Variants in DEFB1 observed in about 807,000 individuals in gnomAD.
DEFB1 encodes the protein beta-defensin 1.
A neutral mutation model predicts 2.6 loss-of-function variants in DEFB1; 4 were observed. That is an observed-to-expected ratio of 1.53 (90% CI 0.76 to 3.51). The LOEUF (loss-of-function observed/expected upper bound fraction) is 3.51, where lower values mean the gene tolerates loss of function less well. Ranked by LOEUF, DEFB1 falls within the 30% of genes most tolerant of loss-of-function variation. The pLI, the probability that DEFB1 is intolerant of heterozygous loss-of-function variation, is 0.01. For synonymous variants in DEFB1, 56 were observed against 28.5 expected (o/e 1.96, Z -3.07); for missense variants, 162 against 76.9 (o/e 2.11, Z -4.14).
Position 6,870,926 on chromosome 8 carries a change from A to G in DEFB1, c.62-100T>C, listed in dbSNP as rs1195140680. On this transcript the variant is annotated intron_variant, in intron 1 of 1. Coordinates refer to ENST00000297439, the MANE Select transcript of DEFB1 (RefSeq NM_005218.4). ...AGAACAAATAACTGCAAAACACCGG[A>G]GAGTCTTCTCTTCCAAGAAATTGGC... The G allele has an allele frequency of 6.1e-6, 8 of 1,312,768 alleles. No homozygotes were observed. In the East Asian group the frequency reaches 1.2e-4, roughly 20 times the overall value. 81.3% of individuals were successfully genotyped at this position (1,312,768 alleles called of 1,614,324 possible). A position where few individuals can be genotyped will look rare whatever the true frequency, so the allele number is the denominator to read the frequency against.
intron 1 of DEFB1, 58 bp from the exon 2 acceptor site, chr8:6,870,884 G>A: frequency 1.3e-6 from 2 of 1,546,016 alleles, no homozygotes; most frequent in Non-Finnish European, 1.7e-6. Context: ...AACGATTTGA[G>A]AACATCTCGC....
chr8:6,875,823 A>G lies in DEFB1; in HGVS notation c.61+1974T>C, dbSNP rs1237484590. Among the ~76,000 whole-genome samples the G allele has an allele frequency of 2.6e-5, 4 of 152,002 alleles. No individual in the cohort carries two copies. The East Asian group carries it at 7.7e-4, about 29-fold the overall frequency. On this transcript the variant is annotated intron_variant, in intron 1 of 1. Transcript: ENST00000297439. Reference sequence around the variant, plus strand: ...GCCAATAGAAATGTGTGCACAAACCAAGCTGTACTATTCAACCTGAATATT... The same window carrying G: ...GCCAATAGAAATGTGTGCACAAACCGAGCTGTACTATTCAACCTGAATATT...
intron 1 of DEFB1, among the ~76,000 whole-genome samples, chr8:6,873,080 T>A (rs2980926): frequency 1.3e-5 from 2 of 152,130 alleles, no homozygotes; most frequent in Admixed American, 1.3e-4. Context: ...TATATGCTGA[T>A]TAAGCAGAGG....
intron 1 of DEFB1, 89 bp from the exon 2 acceptor site, chr8:6,870,915 C>G (rs955197440): frequency 1.4e-5 from 19 of 1,389,090 alleles, no homozygotes; most frequent in Non-Finnish European, 5.8e-6. Flanking sequence ...CAAATAACTG[C>G]AAAACACCGG....
At chr8:6,874,874 C>G (rs1027139537) in intron 1 of DEFB1, among the ~76,000 whole-genome samples, 1 of 151,668 alleles carries the variant, frequency 6.6e-6, no homozygotes, top group Non-Finnish European at 1.5e-5. Context: ...CCCAGCCACT[C>G]GGGAGGCTGA....
At chr8:6,875,102 ACACACAC>A (rs1806477044) in intron 1 of DEFB1, among the ~76,000 whole-genome samples, 1 of 139,396 alleles carries the variant, frequency 7.2e-6, no homozygotes, top group Non-Finnish European at 1.6e-5. Flanking sequence ...ACACACACAC[ACACACAC>A]CCCATTGCCA....
At chr8:6,871,504 G>A (rs1806312754) in intron 1 of DEFB1, among the ~76,000 whole-genome samples, 1 of 152,200 alleles carries the variant, frequency 6.6e-6, no homozygotes, top group African/African-American at 2.4e-5. Flanking sequence ...GGACCAGCAG[G>A]CCGCCATGTT....
intron 1 of DEFB1, among the ~76,000 whole-genome samples, chr8:6,875,197 T>C (rs946453928): frequency 6.6e-6 from 1 of 151,988 alleles, no homozygotes; most frequent in Non-Finnish European, 1.5e-5. Flanking sequence ...CTTCATGTCT[T>C]TGATGTAAAG....
At chr8:6,877,117 C>T (rs1310281323) in intron 1 of DEFB1, among the ~76,000 whole-genome samples, 2 of 152,332 alleles carry the variant, frequency 1.3e-5, no homozygotes, top group Non-Finnish European at 2.9e-5. Context: ...CCATGTGACT[C>T]GTGTGAACAA....
chr8:6,871,416 GATAA>G (rs1806305469), intron 1 of DEFB1, among the ~76,000 whole-genome samples: 1 of 151,970 alleles, frequency 6.6e-6, no homozygotes, highest in East Asian at 1.9e-4. Flanking sequence ...TCCCAGATCT[GATAA>G]ATAGAGACAG....
chr8:6,874,975 C>A (rs1164281423), intron 1 of DEFB1, among the ~76,000 whole-genome samples: 1 of 101,772 alleles, frequency 9.8e-6, no homozygotes, highest in African/African-American at 3.5e-5. Context: ...GAGCGAGACT[C>A]AGTCTCAAAA....
intron 1 of DEFB1, among the ~76,000 whole-genome samples, chr8:6,872,513 T>G (rs1267286851): frequency 6.6e-6 from 1 of 151,394 alleles, no homozygotes; most frequent in Non-Finnish European, 1.5e-5. Context: ...TTGGCCAACT[T>G]AAACACATCC....
intron 1 of DEFB1, among the ~76,000 whole-genome samples, chr8:6,873,327 C>T (rs150448949): frequency 1.3e-5 from 2 of 152,310 alleles, no homozygotes; most frequent in East Asian, 3.9e-4. Context: ...CGGTGCATAA[C>T]CAGAACTAAT....
At chr8:6,877,748 T>C (rs1806585625) in intron 1 of DEFB1, 49 bp downstream of exon 1, 3 of 1,512,906 alleles carry the variant, frequency 2.0e-6, no homozygotes, top group South Asian at 2.3e-5. Context: ...ATCAGCCCCA[T>C]TGTCCCCAGC....
At chr8:6,872,207 C>T (rs976152926) in intron 1 of DEFB1, among the ~76,000 whole-genome samples, 3 of 151,912 alleles carry the variant, frequency 2.0e-5, no homozygotes, top group African/African-American at 4.8e-5. Context: ...ATACAGAGTC[C>T]CTTCAATGTG....
intron 1 of DEFB1, among the ~76,000 whole-genome samples, chr8:6,875,532 A>G (rs887754450): frequency 1.3e-5 from 2 of 152,240 alleles, no homozygotes; most frequent in African/African-American, 2.4e-5. Flanking sequence ...CTTATTATTT[A>G]TCAGGGAAAT....
intron 1 of DEFB1, among the ~76,000 whole-genome samples, chr8:6,877,550 T>C (rs1381515256): frequency 6.6e-6 from 1 of 152,206 alleles, no homozygotes; most frequent in East Asian, 1.9e-4. Context: ...AGGACAAGGA[T>C]GCAGGCAGCT....
chr8:6,876,646 TAAA>T, intron 1 of DEFB1, among the ~76,000 whole-genome samples: 1 of 150,846 alleles, frequency 6.6e-6, no homozygotes, highest in Non-Finnish European at 1.5e-5. Flanking sequence ...AAAATAAAAA[TAAA>T]AAAATTAGCC....
chr8:6,873,511 A>C (rs977776700), intron 1 of DEFB1, among the ~76,000 whole-genome samples: 3 of 152,202 alleles, frequency 2.0e-5, no homozygotes, highest in Non-Finnish European at 4.4e-5. Context: ...AAAACGGAGG[A>C]GACTACGCAG....
Sources: gnomAD v4.1 joint callset for allele counts (sites outside exome capture counted in the v4.1 genomes callset) on GRCh38, gnomAD v4.1.1 for gene constraint, MANE v1.5 for transcripts, NCBI Gene and HGNC (gene_info 2026-07-23, HGNC 2026-07-21) for gene names.